RPTOR: variants seen among roughly 807,000 people sequenced by gnomAD.
RPTOR encodes the protein regulatory associated protein of MTOR complex 1, also known as regulatory-associated protein of mTOR.
A neutral mutation model predicts 169.9 loss-of-function variants in RPTOR; 21 were observed. The ratio of observed to expected loss-of-function variants is 0.12; its 90% CI spans 0.09 to 0.18. The LOEUF (loss-of-function observed/expected upper bound fraction) is 0.18, where lower values mean the gene tolerates loss of function less well. Among genes scored for constraint, RPTOR ranks in the 10% least tolerant of loss-of-function variants. The pLI is 1.00. For missense variants in RPTOR, 1,133 were observed against 1,855.9 expected, an observed-to-expected ratio of 0.61 and a Z score of 7.16; for synonymous variants, 732 against 753.2, an observed-to-expected ratio of 0.97 and a Z score of 0.46.
intron 7 of RPTOR, among the ~76,000 whole-genome samples, chr17:80,808,518 G>C (rs571899500): frequency 1.3e-5 from 2 of 152,136 alleles, no homozygotes; most frequent in South Asian, 2.1e-4. Flanking sequence ...TTTCTCCTTT[G>C]TTTTCACGTT....
At chr17:80,596,163 A>G (rs969958009) in intron 1 of RPTOR, among the ~76,000 whole-genome samples, 13 of 147,404 alleles carry the variant, frequency 8.8e-5, no homozygotes, top group Non-Finnish European at 1.5e-5. Context: ...TAATATTTAC[A>G]TTTTATTTTA....
chr17:80,598,084 G>A (rs2065157233), intron 1 of RPTOR, among the ~76,000 whole-genome samples: 2 of 152,242 alleles, frequency 1.3e-5, no homozygotes, highest in East Asian at 1.9e-4. Context: ...TGAGGCCACC[G>A]TGAGCCGTGA....
chr17:80,691,982 A>T (rs1033092694), intron 3 of RPTOR, among the ~76,000 whole-genome samples: 1 of 152,246 alleles, frequency 6.6e-6, no homozygotes, highest in Non-Finnish European at 1.5e-5. Flanking sequence ...CACACCTGGC[A>T]GTTTCAGAAA....
At chr17:80,768,040 T>A (rs1224144331) in intron 6 of RPTOR, among the ~76,000 whole-genome samples, 1 of 152,074 alleles carries the variant, frequency 6.6e-6, no homozygotes, top group Admixed American at 6.6e-5. Context: ...ATTTTTGTAT[T>A]TTTAGTAGAG....
At chr17:80,768,070 G>T (rs1053869959) in intron 6 of RPTOR, among the ~76,000 whole-genome samples, 1 of 152,122 alleles carries the variant, frequency 6.6e-6, no homozygotes, top group Non-Finnish European at 1.5e-5. Flanking sequence ...CACCATGTTA[G>T]CCAGGATGGT....
chr17:80,651,151 A>G lies in RPTOR; in HGVS notation c.348+7341A>G, dbSNP rs1028032148. ...GACCGTGATACAGAGCGATGCGGAG[A>G]TGGCTCTGAAGGACAGGCAGGTGCC... On this transcript the variant is annotated intron_variant, in intron 3 of 33. Transcript: ENST00000306801. This position sits in a 1 kb window ranked among gnomAD's most constrained non-coding sequence, Gnocchi z 4.1. Among the ~76,000 whole-genome samples the G allele has an allele frequency of 2.0e-5, 3 of 152,140 alleles. No homozygotes were observed. Among genetic ancestry groups the G allele is most frequent in the African/African-American group, 7.2e-5 (3 of 41,422 alleles).
chr17:80,847,722 T>A (rs2067748141), intron 11 of RPTOR, among the ~76,000 whole-genome samples: 1 of 152,182 alleles, frequency 6.6e-6, no homozygotes, highest in African/African-American at 2.4e-5. Flanking sequence ...CTCGCCTTCC[T>A]AGAAAGCAGA....
intron 2 of RPTOR, among the ~76,000 whole-genome samples, chr17:80,643,010 GTTA>G (rs1399090975): frequency 6.6e-6 from 1 of 152,084 alleles, no homozygotes; most frequent in African/African-American, 2.4e-5. Context: ...AATATAATGG[GTTA>G]TTGTTTTTAA....
intron 3 of RPTOR, among the ~76,000 whole-genome samples, chr17:80,679,144 G>A (rs2065880428): frequency 6.6e-6 from 1 of 152,260 alleles, no homozygotes; most frequent in Non-Finnish European, 1.5e-5. Context: ...TCGGGAGGCT[G>A]AGGCAGGAGA....
At chr17:80,894,752 A>G (rs559487201) in intron 20 of RPTOR, among the ~76,000 whole-genome samples, 2 of 151,830 alleles carry the variant, frequency 1.3e-5, no homozygotes, top group African/African-American at 2.4e-5. Context: ...AGAGACTTAT[A>G]TAAGAGCGCT....
intron 28 of RPTOR, among the ~76,000 whole-genome samples, chr17:80,956,260 G>A (rs1464901519): frequency 6.6e-6 from 1 of 151,822 alleles, no homozygotes; most frequent in African/African-American, 2.4e-5. Flanking sequence ...TAAAATGTTA[G>A]CAAAGTTAGA....
rs1388072140 is a variant in RPTOR at position 80,744,865 on chromosome 17, TCCTGGTTACGAGCACAGC to T, written c.655-9139_655-9122del. 7.1e-4 allele frequency among the ~76,000 whole-genome samples: 36 copies of T among 50,472 alleles called. 3 individuals carry two copies. In the South Asian group the frequency reaches 7.2e-3, roughly 10 times the overall value. The allele number at this position is 50,472 out of a possible 152,430, so 33.1% of individuals were successfully genotyped here. On this transcript the variant is annotated intron_variant, in intron 5 of 33. Transcript: ENST00000306801. Reference sequence around the variant, plus strand: ...AGCACTGTCCTGGCTACTAGCACTGTCCTGGTTACGAGCACAGCCCTGGCTACTAGCACTGTCCTGGCT... The same window carrying T: ...AGCACTGTCCTGGCTACTAGCACTGTCCTGGCTACTAGCACTGTCCTGGCT...
chr17:80,832,762 C>T (rs1400022462), intron 9 of RPTOR, among the ~76,000 whole-genome samples: 6 of 152,076 alleles, frequency 3.9e-5, no homozygotes, highest in African/African-American at 1.4e-4. Flanking sequence ...ATCAATAGAC[C>T]AAAGTGTGTA....
rs149034545 is a variant in RPTOR, at chr17:80,903,496, C to T, written c.2402-5315C>T. 5.9e-3 allele frequency among the ~76,000 whole-genome samples: 899 copies of T among 152,352 alleles called. 13 individuals carry two copies. The highest frequency in any genetic ancestry group is 0.021 in the African/African-American group (853 of 41,586). On this transcript the variant is annotated intron_variant, in intron 20 of 33. Transcript: ENST00000306801. Reference sequence around the variant, plus strand: ...GCACACATTGCGGCCGGCTGCACTGCGGCATCATTGGTGTTCACAGGACGG... The same window carrying T: ...GCACACATTGCGGCCGGCTGCACTGTGGCATCATTGGTGTTCACAGGACGG...
chr17:80,822,656 ATTGG>A (rs1298826120), intron 8 of RPTOR, among the ~76,000 whole-genome samples: 1 of 151,848 alleles, frequency 6.6e-6, no homozygotes, highest in African/African-American at 2.4e-5. Context: ...TTTTTTATTG[ATTGG>A]TTGATTTGGG....
intron 3 of RPTOR, among the ~76,000 whole-genome samples, chr17:80,683,081 C>T (rs1167342604): frequency 2.0e-5 from 3 of 152,206 alleles, no homozygotes; most frequent in Admixed American, 1.3e-4. Context: ...GGATTACAGG[C>T]GCGAGCCAAG....
At chr17:80,907,170 C>T (rs2068554259) in intron 20 of RPTOR, among the ~76,000 whole-genome samples, 1 of 152,262 alleles carries the variant, frequency 6.6e-6, no homozygotes, top group African/African-American at 2.4e-5. Context: ...TTCGATGCTT[C>T]AGCTCTTTCA....
chr17:80,632,294 C>T (rs2143554012), intron 2 of RPTOR, among the ~76,000 whole-genome samples: 1 of 152,352 alleles, frequency 6.6e-6, no homozygotes, highest in South Asian at 2.1e-4. Context: ...GCTTTTCGAA[C>T]AAGCCTTCCT....
chr17:80,889,988 C>T (rs1288866519), intron 17 of RPTOR, among the ~76,000 whole-genome samples: 1 of 142,606 alleles, frequency 7.0e-6, no homozygotes, highest in Admixed American at 6.8e-5. Context: ...GCAGGATGTG[C>T]GGCCTCCGAG....
Sources: gnomAD v4.1 joint callset for allele counts (sites outside exome capture counted in the v4.1 genomes callset) on GRCh38, gnomAD v4.1.1 for gene constraint, Gnocchi (gnomAD v3.1) non-coding constraint, MANE v1.5 for transcripts, NCBI Gene and HGNC (gene_info 2026-07-23, HGNC 2026-07-21) for gene names.